TSPAN7: variants seen among roughly 807,000 people sequenced by gnomAD.
The protein encoded by TSPAN7 is tetraspanin 7.
A neutral mutation model predicts 17.6 loss-of-function variants in TSPAN7; 1 was observed. That is an observed-to-expected ratio of 0.06 (90% CI 0.02 to 0.27). The LOEUF (loss-of-function observed/expected upper bound fraction) is 0.27, where lower values mean the gene tolerates loss of function less well. TSPAN7 is among the 10% of genes least tolerant of loss of function. The probability of loss-of-function intolerance (pLI) is 1.00; values close to 1 mark genes in which losing one functional copy is unlikely to be tolerated. For synonymous variants in TSPAN7, 78 were observed against 79.0 expected (o/e 0.99, Z 0.07); for missense variants, 112 against 201.7 (o/e 0.56, Z 2.69).
intron 1 of TSPAN7, among the ~76,000 whole-genome samples, chrX:38,644,402 A>G (rs1375987545): frequency 2.7e-5 from 3 of 112,164 alleles, no homozygotes; most frequent in Non-Finnish European, 5.6e-5. Context: ...TTGTTTTTTC[A>G]GATAATGAGT....
chrX:38,586,733 T>C (rs17247145), intron 1 of TSPAN7, among the ~76,000 whole-genome samples: 79 of 112,345 alleles, frequency 7.0e-4, no homozygotes, highest in Non-Finnish European at 1.1e-3. Flanking sequence ...ACTTGGTCAA[T>C]GGCAATGATT....
intron 1 of TSPAN7, among the ~76,000 whole-genome samples, chrX:38,590,626 G>A (rs969389433): frequency 9.0e-6 from 1 of 111,349 alleles, no homozygotes; most frequent in Admixed American, 9.5e-5. Context: ...GTTGTCTGGG[G>A]TTTTTTGAGG....
rs778903482 is a variant in TSPAN7 at position 38,674,283 on chromosome X, G to C, written c.408G>C (p.Glu136Asp). 109 of 1,196,735 alleles carry C rather than the reference G, an allele frequency of 9.1e-5. 2 individuals are homozygous for C. The South Asian group carries it at 2.0e-3, about 22-fold the overall frequency. ...TGCAGACTTACAATGGCAATGATGA[G>C]AGGAGCCGGGCAGTGGACCATGTGC... ...DAMQTYNGND[E>D]RSRAVDHVQR... The change falls in exon 4 of 8, where the codon GAG (glutamate) becomes GAC (aspartate). Residue 136 changes from glutamate (E) to aspartate (D), a missense_variant. Glu to Asp is a conservative substitution (Grantham distance 45, BLOSUM62 2). Transcript: ENST00000378482.
intron 1 of TSPAN7, among the ~76,000 whole-genome samples, chrX:38,630,578 C>T (rs1260114464): frequency 1.8e-5 from 2 of 111,455 alleles, no homozygotes; most frequent in Non-Finnish European, 3.8e-5. Context: ...CAAATGGGGA[C>T]CAAATACGTG....
chrX:38,618,563 G>A (rs1328657734), intron 1 of TSPAN7, among the ~76,000 whole-genome samples: 1 of 111,548 alleles, frequency 9.0e-6, no homozygotes, highest in Non-Finnish European at 1.9e-5. Flanking sequence ...GGGAGAGTAA[G>A]GAGGGTTCAT....
In TSPAN7 at chrX:38,671,423, C is replaced by T; in HGVS notation, c.318C>T (p.Gly106=). 1.7e-6 allele frequency: 2 copies of T among 1,211,148 alleles called. No homozygotes were observed. The highest frequency in any genetic ancestry group is 2.2e-6 in the Non-Finnish European group (2 of 895,202). The stretch of plus-strand genomic sequence containing the variant: ...TGTTCCTGGCTGAGCTCGTAGCTGG[C>T]ATTTCAGGGTTTGTGTTTCGTCATG... The part of the protein sequence containing the change: ...SLVFLAELVA[G]ISGFVFRHEI... The change falls in exon 3 of 8, where the codon GGC becomes GGT. Residue 106 remains glycine (G), a synonymous_variant. Transcript: ENST00000378482.
At chrX:38,674,384 G>T (rs2069840203) in intron 4 of TSPAN7, 68 bp downstream of exon 4, 3 of 985,595 alleles carry the variant, frequency 3.0e-6, no homozygotes, top group Middle Eastern at 3.1e-4. Context: ...TGGACTGCCT[G>T]TAGGTTGGCC....
At position 38,561,554 on chromosome X, in the gene TSPAN7, C is replaced by G; in HGVS notation, c.8C>G (p.Ser3Trp). The change falls in exon 1 of 8, where the codon TCG becomes TGG. Residue 3 changes from serine to tryptophan, a missense_variant. Transcript: ENST00000378482. The stretch of plus-strand genomic sequence containing the variant: ...CCGCCGGAGCTCTGTAGTATGGCAT[C>G]GAGGAGAATGGAGACCAAACCTGTG... Reference protein sequence around the residue: MASRRMETKPVIT... With the variant: MAWRRMETKPVIT... 8.4e-7 allele frequency: 1 copy of G among 1,195,270 alleles called. No individual in the cohort carries two copies. The highest frequency in any genetic ancestry group is 1.1e-6 in the Non-Finnish European group (1 of 886,245).
chrX:38,643,225 G>A (rs1178656203), intron 1 of TSPAN7, among the ~76,000 whole-genome samples: 1 of 110,409 alleles, frequency 9.1e-6, no homozygotes, highest in Non-Finnish European at 1.9e-5. Context: ...TAGAACATTA[G>A]TAGTGGAGGA....
intron 1 of TSPAN7, among the ~76,000 whole-genome samples, chrX:38,656,752 T>G (rs2069707793): frequency 8.9e-6 from 1 of 112,205 alleles, no homozygotes; most frequent in South Asian, 3.7e-4. Context: ...TCATATAGTC[T>G]TAACCTCTGG....
intron 1 of TSPAN7, among the ~76,000 whole-genome samples, chrX:38,662,569 A>T (rs933979239): frequency 1.8e-5 from 2 of 108,982 alleles, no homozygotes; most frequent in African/African-American, 6.7e-5. Context: ...GAGAGGAGTG[A>T]GTACAGTGTG....
At chrX:38,616,557 A>G (rs1166762087) in intron 1 of TSPAN7, among the ~76,000 whole-genome samples, 1 of 111,899 alleles carries the variant, frequency 8.9e-6, no homozygotes, top group Non-Finnish European at 1.9e-5. Flanking sequence ...TTTTCCGCTT[A>G]TTACTAAAGA....
intron 1 of TSPAN7, among the ~76,000 whole-genome samples, chrX:38,614,886 C>T (rs1038139822): frequency 8.9e-6 from 1 of 112,351 alleles, no homozygotes; most frequent in Non-Finnish European, 1.9e-5. Flanking sequence ...ACCAGCATCA[C>T]ATTTCCCTAT....
chrX:38,626,006 G>A (rs2069520642), intron 1 of TSPAN7, among the ~76,000 whole-genome samples: 1 of 112,176 alleles, frequency 8.9e-6, no homozygotes, highest in African/African-American at 3.2e-5. Context: ...GGAATCACGT[G>A]AATTTGTCAC....
intron 1 of TSPAN7, among the ~76,000 whole-genome samples, chrX:38,658,666 C>G (rs866891571): frequency 9.0e-6 from 1 of 111,330 alleles, no homozygotes; most frequent in Non-Finnish European, 1.9e-5. Context: ...GAACTTCCCA[C>G]CATCTTCTGC....
chrX:38,649,206 C>T (rs1018277729), intron 1 of TSPAN7, among the ~76,000 whole-genome samples: 1 of 111,020 alleles, frequency 9.0e-6, no homozygotes, highest in African/African-American at 3.3e-5. Context: ...TTCTGATGAC[C>T]GCCAAGCCCT....
At chrX:38,661,863 C>T (rs868271737) in intron 1 of TSPAN7, among the ~76,000 whole-genome samples, 3 of 109,701 alleles carry the variant, frequency 2.7e-5, no homozygotes, top group Admixed American at 1.9e-4. Context: ...CTTTTCAGTT[C>T]GAAAGTCATG....
intron 1 of TSPAN7, among the ~76,000 whole-genome samples, chrX:38,574,710 G>C (rs1477219640): frequency 9.0e-6 from 1 of 111,082 alleles, no homozygotes; most frequent in Non-Finnish European, 1.9e-5. Flanking sequence ...GATGGTACTT[G>C]ATAAAACTGT....
At chrX:38,579,480 G>C (rs773487204) in intron 1 of TSPAN7, among the ~76,000 whole-genome samples, 1 of 110,536 alleles carries the variant, frequency 9.0e-6, no homozygotes, top group African/African-American at 3.3e-5. Context: ...CAGCTACTCA[G>C]GAGGCTGAGG....
Sources: gnomAD v4.1 joint callset for allele counts (sites outside exome capture counted in the v4.1 genomes callset) on GRCh38, gnomAD v4.1.1 for gene constraint, MANE v1.5 for transcripts, NCBI Gene and HGNC (gene_info 2026-07-23, HGNC 2026-07-21) for gene names.